The following STARD3 variants were observed in gnomAD, a reference collection of about 807,000 sequenced individuals.
The protein encoded by STARD3 is StAR related lipid transfer domain containing 3, also known as stAR-related lipid transfer protein 3.
In STARD3, 39 loss-of-function variants were observed where a neutral mutation model predicts 62.0. That is an observed-to-expected ratio of 0.63 (90% CI 0.49 to 0.82). STARD3 has a LOEUF of 0.82. Among genes scored for constraint, STARD3 ranks in the 40% least tolerant of loss-of-function variants. STARD3 has a pLI of 0.00. For missense variants in STARD3, 543 were observed against 584.5 expected, an observed-to-expected ratio of 0.93 and a Z score of 0.73; for synonymous variants, 229 against 242.4, an observed-to-expected ratio of 0.94 and a Z score of 0.51.
chr17:39,658,183 C>T lies in STARD3; in HGVS notation c.429+157C>T, dbSNP rs574231389. 42 of 945,698 alleles carry T rather than the reference C, an allele frequency of 4.4e-5. No individual in the cohort carries two copies. In the South Asian group the frequency reaches 5.2e-4, roughly 12 times the overall value. The allele number at this position is 945,698 out of a possible 1,614,324, so 58.6% of individuals were successfully genotyped here. A position where few individuals can be genotyped will look rare whatever the true frequency, so the allele number is the denominator to read the frequency against. ...TTGGTATCTATAAGGAATCATCCTT[C>T]ACCCGCTTCCCTGACTTAGCCCCTT... On this transcript the variant is annotated intron_variant, in intron 5 of 14. Transcript: ENST00000336308.
In STARD3 at chr17:39,654,101, AC is replaced by A. The variant is rs375027408; in HGVS notation, c.219+353del. Among the ~76,000 whole-genome samples the A allele has an allele frequency of 4.0e-3, 609 of 151,768 alleles. 3 individuals are homozygous for A. Among genetic ancestry groups the A allele is most frequent in the African/African-American group, 0.014 (569 of 41,356 alleles). On this transcript the variant is annotated intron_variant, in intron 2 of 14. Coordinates refer to ENST00000336308, the MANE Select transcript of STARD3 (RefSeq NM_006804.4). ...ACCCAGCTCTGGCAGAGCTGTTGAA[AC>A]CTTTGTCTTCTTTCTGCCTGCCACT...
In STARD3 at chr17:39,660,745, G is replaced by C; in HGVS notation, c.955-65G>C. On this transcript the variant is annotated intron_variant, in intron 11 of 14. Coordinates refer to ENST00000336308, the MANE Select transcript of STARD3 (RefSeq NM_006804.4). The surrounding 1 kb of genome is among the most constrained non-coding windows in gnomAD (Gnocchi z 4.8). ...ATAGCAGTTAGTAAAGGGGCCTGGGGTGTTCCCATCCCTGGGGTTTTCCTG... is the reference window on the plus strand; with the variant it reads ...ATAGCAGTTAGTAAAGGGGCCTGGGCTGTTCCCATCCCTGGGGTTTTCCTG... The C allele has an allele frequency of 6.6e-7, 1 of 1,523,150 alleles. No individual in the cohort carries two copies. The highest frequency in any genetic ancestry group is 1.3e-5 in the South Asian group (1 of 78,312). The allele number at this position is 1,523,150 out of a possible 1,614,324, so 94.4% of individuals were successfully genotyped here. A position where few individuals can be genotyped will look rare whatever the true frequency, so the allele number is the denominator to read the frequency against.
Position 39,659,550 on chromosome 17 carries a change from T to G in STARD3, c.792T>G (p.Asn264Lys), listed in dbSNP as rs764294263. Residue 264 changes from asparagine to lysine, a missense_variant, in exon 9 of 15, where the codon AAT (asparagine) becomes AAG (lysine). Asn to Lys is a moderately conservative substitution (Grantham distance 94). Coordinates refer to ENST00000336308, the MANE Select transcript of STARD3 (RefSeq NM_006804.4). ...AAGAGAACTGGAAGTTTGAGAAGAA[T>G]AATGTAAGAAGCCCTCTCCCACCTG... The part of the protein sequence containing the change: ...AQEENWKFEK[N>K]NEYGDTVYTI... 25 of 1,613,862 alleles carry G rather than the reference T, an allele frequency of 1.5e-5. No individual in the cohort carries two copies. The East Asian group carries it at 1.6e-4, about 10-fold the overall frequency.
chr17:39,656,933 C>G, intron 2 of STARD3, 75 bp from the exon 3 acceptor site: 1 of 1,461,106 alleles, frequency 6.8e-7, no homozygotes, highest in East Asian at 2.3e-5. Context: ...CTACCTCTTG[C>G]CCCTTCCGGG....
intron 3 of STARD3, 21 bp from the exon 4 acceptor site, chr17:39,657,754 C>G (rs1414497303): frequency 6.2e-7 from 1 of 1,613,966 alleles, no homozygotes; most frequent in South Asian, 1.1e-5. Flanking sequence ...CTGTGACTGC[C>G]TTGCTCCCGT....
chr17:39,661,577 T>C (rs2057198787), intron 13 of STARD3, among the ~76,000 whole-genome samples: 1 of 152,200 alleles, frequency 6.6e-6, no homozygotes, highest in Non-Finnish European at 1.5e-5. Context: ...TGCCTGGGCT[T>C]CTGGAGTCTT....
chr17:39,662,405 T>C, intron 14 of STARD3, 61 bp downstream of exon 14: 1 of 1,509,272 alleles, frequency 6.6e-7, no homozygotes, highest in Non-Finnish European at 9.1e-7. Flanking sequence ...TGCTGCTGAC[T>C]TGGTTGCTGC....
At chr17:39,640,473 A>G (rs1330509872) in intron 1 of STARD3, among the ~76,000 whole-genome samples, 1 of 152,034 alleles carries the variant, frequency 6.6e-6, no homozygotes, top group African/African-American at 2.4e-5. Context: ...TGGTGCCTGG[A>G]GGATCCTGTG....
intron 1 of STARD3, among the ~76,000 whole-genome samples, chr17:39,642,086 T>C (rs923675180): frequency 6.6e-6 from 1 of 151,878 alleles, no homozygotes; most frequent in African/African-American, 2.4e-5. Flanking sequence ...AGGAAGGAGG[T>C]CATTCAAGAA....
At chr17:39,641,791 G>T (rs1189799880) in intron 1 of STARD3, among the ~76,000 whole-genome samples, 13 of 152,112 alleles carry the variant, frequency 8.5e-5, no homozygotes, top group Non-Finnish European at 1.8e-4. Flanking sequence ...TTAGGTTTTT[G>T]CCTCCAGGAC....
chr17:39,638,952 C>T (rs1049331953), intron 1 of STARD3, among the ~76,000 whole-genome samples: 5 of 152,064 alleles, frequency 3.3e-5, no homozygotes, highest in African/African-American at 9.7e-5. Context: ...CTAGCTTGGG[C>T]AACATAGTGA....
In STARD3 at chr17:39,662,847, CCAT is replaced by C; in HGVS notation, c.1278_1280del (p.Met427del). On this transcript the variant is annotated inframe_deletion, in exon 15 of 15. Coordinates refer to ENST00000336308, the MANE Select transcript of STARD3 (RefSeq NM_006804.4). The stretch of plus-strand genomic sequence containing the variant: ...CTCATCCACCAGAGCCTCGCGGCCA[CCAT>C]GTTTGAATTTGCCTTTCACCTGCGA... 1 of 1,612,426 alleles carries C rather than the reference CCAT, an allele frequency of 6.2e-7. No individual in the cohort carries two copies.
At chr17:39,657,186 C>G (rs1389355957) in intron 3 of STARD3, 101 bp downstream of exon 3, 17 of 1,173,926 alleles carry the variant, frequency 1.4e-5, no homozygotes, top group Non-Finnish European at 2.0e-5. Flanking sequence ...CCAGTCTGAT[C>G]AGAGACTCGG....
intron 1 of STARD3, among the ~76,000 whole-genome samples, chr17:39,641,406 G>A (rs1205763435): frequency 1.3e-5 from 2 of 151,866 alleles, no homozygotes; most frequent in Non-Finnish European, 2.9e-5. Context: ...GATCGCGCCT[G>A]TGAACAGCCA....
intron 1 of STARD3, among the ~76,000 whole-genome samples, chr17:39,651,445 A>C (rs9972882): frequency 0.66 from 100,418 of 152,010 alleles, 33,928 homozygotes; most frequent in South Asian, 0.75. Context: ...CTTCCTCTAG[A>C]CCCCAAACTA....
rs1238803998 is a variant in STARD3 at position 39,659,484 on chromosome 17, G to A, written c.726G>A (p.Gly242=). ...SAQEREYIRQ[G]KEATAVVDQI... ...AGGAGCGGGAGTACATCCGCCAGGG[G>A]AAGGAGGCCACGGCAGTGGTGGACC... Residue 242 remains glycine (G), a synonymous_variant, in exon 9 of 15, where the codon GGG becomes GGA. Coordinates refer to ENST00000336308, the MANE Select transcript of STARD3 (RefSeq NM_006804.4). The A allele has an allele frequency of 2.5e-6, 4 of 1,614,154 alleles. No individual in the cohort carries two copies. Among genetic ancestry groups the A allele is most frequent in the Non-Finnish European group, 3.4e-6 (4 of 1,180,016 alleles).
At chr17:39,662,542 T>A in intron 14 of STARD3, 198 bp downstream of exon 14, 2 of 643,908 alleles carry the variant, frequency 3.1e-6, no homozygotes. Flanking sequence ...GTGCCCCCCC[T>A]TCTTACCTCT....
Position 39,663,041 on chromosome 17 carries a change from T to A in STARD3, c.*133T>A. ...TGTCACCCTCCACCGAGCCACGCAG[T>A]GCCTGGAGTTGACTGACTGAGCAGG... is the stretch of plus-strand genomic sequence containing the variant. On this transcript the variant is annotated 3_prime_UTR_variant, in exon 15 of 15. Transcript: ENST00000336308. 2.2e-6 allele frequency: 2 copies of A among 891,906 alleles called. No individual in the cohort carries two copies. Among genetic ancestry groups the A allele is most frequent in the Non-Finnish European group, 3.3e-6 (2 of 609,622 alleles). The allele number at this position is 891,906 out of a possible 1,614,324, so 55.2% of individuals were successfully genotyped here.
Position 39,662,705 on chromosome 17 carries a change from C to T in STARD3, c.1234-99C>T, listed in dbSNP as rs540453257. Reference sequence around the variant, plus strand: ...CCCAGGCTGGATTCCAGAGCTGCACCTGCATTCTGGCCCAGAGCCCCCCTG... The same window carrying T: ...CCCAGGCTGGATTCCAGAGCTGCACTTGCATTCTGGCCCAGAGCCCCCCTG... On this transcript the variant is annotated intron_variant, in intron 14 of 14. Coordinates refer to ENST00000336308, the MANE Select transcript of STARD3 (RefSeq NM_006804.4). 14 of 1,176,582 alleles carry T rather than the reference C, an allele frequency of 1.2e-5. No homozygotes were observed. The Admixed American group carries it at 2.2e-4, about 19-fold the overall frequency. 72.9% of individuals were successfully genotyped at this position (1,176,582 alleles called of 1,614,324 possible).
Sources: allele counts gnomAD v4.1 joint callset (sites outside exome capture counted in the v4.1 genomes callset), GRCh38; gene constraint gnomAD v4.1.1; non-coding constraint Gnocchi (gnomAD v3.1); transcripts MANE v1.5; gene names NCBI Gene and HGNC (gene_info 2026-07-23, HGNC 2026-07-21).